NCOA1: variants seen among roughly 807,000 people sequenced by gnomAD.
NCOA1 encodes Hin-2 protein.
Under a neutral mutation model 150.9 loss-of-function variants are expected in NCOA1, and 35 were observed. That is an observed-to-expected ratio of 0.23 (90% confidence interval 0.18 to 0.31). The LOEUF (loss-of-function observed/expected upper bound fraction) is 0.31. Ranked by LOEUF, NCOA1 falls within the 10% of genes least tolerant of loss-of-function variation. The pLI is 1.00. For missense variants in NCOA1, 1,491 were observed against 1,749.3 expected (o/e 0.85, Z 2.63); for synonymous variants, 590 against 630.0 (o/e 0.94, Z 0.95).
At chr2:24,589,906 T>A (rs1270213901) in intron 3 of NCOA1, among the ~76,000 whole-genome samples, 2 of 152,156 alleles carry the variant, frequency 1.3e-5, no homozygotes, top group Non-Finnish European at 1.5e-5. Flanking sequence ...TCATCCAGAA[T>A]CAGGAGTTTG....
intron 2 of NCOA1, among the ~76,000 whole-genome samples, chr2:24,581,797 T>C (rs190740632): frequency 1.3e-5 from 2 of 152,182 alleles, no homozygotes; most frequent in Admixed American, 1.3e-4. Context: ...CTAGGAATGG[T>C]TCAACATATG....
intron 1 of NCOA1, among the ~76,000 whole-genome samples, chr2:24,541,061 A>G (rs868119688): frequency 6.6e-6 from 1 of 152,180 alleles, no homozygotes; most frequent in African/African-American, 2.4e-5. Context: ...AACCACACGA[A>G]AAAGTGTTAT....
rs113056926 is a variant in NCOA1, at chr2:24,706,800, T to C, written c.1330T>C (p.Ser444Pro). 2 of 1,614,170 alleles carry C rather than the reference T, an allele frequency of 1.2e-6. No homozygotes were observed. The highest frequency in any genetic ancestry group is 1.7e-6 in the Non-Finnish European group (2 of 1,180,028). ...SSNSQGSFGC[S>P]PGSQIVANVA... ...CAACAGCCAAGGAAGTTTCGGATGC[T>C]CACCCGGAAGTCAGATTGTAGCCAA... The change falls in exon 13 of 23, where the codon TCA (serine) becomes CCA (proline). Residue 444 changes from serine to proline, a missense_variant. Physicochemically the swap from Ser to Pro is moderately conservative, Grantham distance 74. Coordinates refer to ENST00000348332, the MANE Select transcript of NCOA1 (RefSeq NM_003743.5).
intron 1 of NCOA1, among the ~76,000 whole-genome samples, chr2:24,518,914 C>A (rs1051609353): frequency 2.6e-5 from 4 of 152,126 alleles, no homozygotes; most frequent in Admixed American, 2.6e-4. Flanking sequence ...TCTGTGTGTA[C>A]TATGCAATCC....
At chr2:24,723,097 G>A (rs1308578249) in intron 14 of NCOA1, among the ~76,000 whole-genome samples, 1 of 151,148 alleles carries the variant, frequency 6.6e-6, no homozygotes, top group African/African-American at 2.4e-5. Context: ...ATTCAAAAAA[G>A]TTTTTAAAAT....
intron 3 of NCOA1, among the ~76,000 whole-genome samples, chr2:24,623,762 T>A (rs1225275901): frequency 2.0e-5 from 3 of 152,212 alleles, no homozygotes; most frequent in Admixed American, 2.0e-4. Flanking sequence ...GTCCTCACAT[T>A]ACCTTTCCTC....
intron 7 of NCOA1, among the ~76,000 whole-genome samples, chr2:24,677,259 T>C (rs1671953030): frequency 6.6e-6 from 1 of 151,846 alleles, no homozygotes; most frequent in African/African-American, 2.4e-5. Flanking sequence ...CAGGAGAATC[T>C]CTTGAACCCG....
At chr2:24,757,698 A>G (rs1159407284) in intron 20 of NCOA1, among the ~76,000 whole-genome samples, 1 of 152,152 alleles carries the variant, frequency 6.6e-6, no homozygotes, top group Non-Finnish European at 1.5e-5. Flanking sequence ...CTTACATGGA[A>G]AACTTCCTTT....
intron 1 of NCOA1, among the ~76,000 whole-genome samples, chr2:24,525,752 T>C (rs1664627414): frequency 6.6e-6 from 1 of 152,126 alleles, no homozygotes; most frequent in Non-Finnish European, 1.5e-5. Context: ...TTTTGCCACG[T>C]TGGCCAGCTA....
At chr2:24,580,638 A>G (rs1010700053) in intron 2 of NCOA1, among the ~76,000 whole-genome samples, 4 of 151,742 alleles carry the variant, frequency 2.6e-5, no homozygotes, top group African/African-American at 9.7e-5. Context: ...TCTTTGCAGT[A>G]TGTTCTTTAT....
intron 3 of NCOA1, among the ~76,000 whole-genome samples, chr2:24,615,562 C>G (rs975169997): frequency 6.6e-6 from 1 of 152,096 alleles, no homozygotes; most frequent in Non-Finnish European, 1.5e-5. Flanking sequence ...CTGATGGGTA[C>G]TGGTCGATGG....
At chr2:24,729,965 A>T in intron 17 of NCOA1, 150 bp downstream of exon 17, 1 of 741,784 alleles carries the variant, frequency 1.3e-6, no homozygotes, top group Non-Finnish European at 2.1e-6. Context: ...CCTGCCTCAG[A>T]CTCCCGAGTA....
intron 3 of NCOA1, among the ~76,000 whole-genome samples, chr2:24,600,279 C>T (rs1668060329): frequency 6.6e-6 from 1 of 152,128 alleles, no homozygotes; most frequent in Non-Finnish European, 1.5e-5. Context: ...AATGTTGGCT[C>T]ACTGCAACCT....
Position 24,757,968 on chromosome 2 carries a change from T to C in NCOA1, c.3882-5T>C, listed in dbSNP as rs1664584524. The C allele has an allele frequency of 1.2e-6, 2 of 1,613,066 alleles. No individual in the cohort carries two copies. The highest frequency in any genetic ancestry group is 1.7e-6 in the Non-Finnish European group (2 of 1,179,500). On this transcript the variant is annotated splice_polypyrimidine_tract_variant and splice_region_variant and intron_variant, in intron 20 of 22. Transcript: ENST00000348332. ...ATGTAATCTGGATTGTTTTTGAGTT[T>C]ACAGTGTGTTCAGTCAAGCTGTCCA...
chr2:24,560,275 C>A (rs1666245828), intron 1 of NCOA1, among the ~76,000 whole-genome samples: 2 of 152,038 alleles, frequency 1.3e-5, no homozygotes, highest in Non-Finnish European at 2.9e-5. Context: ...TTTTCTGTGA[C>A]CTGCCAGAGG....
At chr2:24,690,762 C>T (rs1039380589) in intron 8 of NCOA1, among the ~76,000 whole-genome samples, 10 of 150,822 alleles carry the variant, frequency 6.6e-5, no homozygotes, top group Non-Finnish European at 1.3e-4. Flanking sequence ...AGCTACCACA[C>T]GTGGTTTTTA....
At chr2:24,571,855 A>C (rs1319060511) in intron 2 of NCOA1, among the ~76,000 whole-genome samples, 1 of 152,162 alleles carries the variant, frequency 6.6e-6, no homozygotes, top group Non-Finnish European at 1.5e-5. Context: ...AACAGTGTTC[A>C]GTATTTTTTA....
At chr2:24,703,544 A>T (rs55771305) in intron 11 of NCOA1, among the ~76,000 whole-genome samples, 1,783 of 152,342 alleles carry the variant, frequency 0.012, 20 homozygotes, top group Non-Finnish European at 0.016. Flanking sequence ...TAGTTTAGAT[A>T]CATTATATTT....
At chr2:24,500,863 T>A (rs1371527998) in intron 1 of NCOA1, among the ~76,000 whole-genome samples, 1 of 152,194 alleles carries the variant, frequency 6.6e-6, no homozygotes, top group Non-Finnish European at 1.5e-5. Context: ...AACAAAAAAT[T>A]TAATGCTGTA....
Sources: gnomAD v4.1 joint callset for allele counts (sites outside exome capture counted in the v4.1 genomes callset) on GRCh38, gnomAD v4.1.1 for gene constraint, MANE v1.5 for transcripts, NCBI Gene and HGNC (gene_info 2026-07-23, HGNC 2026-07-21) for gene names.